PLBD1: variants seen among roughly 807,000 people sequenced by gnomAD.
PLBD1 encodes the protein phospholipase B domain containing 1.
PLBD1 carries 60 observed loss-of-function variants against 63.0 expected under a neutral mutation model. That is an observed-to-expected ratio of 0.95 (90% CI 0.77 to 1.18). The LOEUF is 1.18. Ranked by LOEUF, PLBD1 falls within the 50% of genes most tolerant of loss-of-function variation. The probability of loss-of-function intolerance (pLI) is 0.00; values close to 1 mark genes in which losing one functional copy is unlikely to be tolerated. For synonymous variants in PLBD1, 262 were observed against 248.0 expected, an observed-to-expected ratio of 1.06 and a Z score of -0.53; for missense variants, 598 against 677.9, an observed-to-expected ratio of 0.88 and a Z score of 1.31.
intron 1 of PLBD1, among the ~76,000 whole-genome samples, chr12:14,558,274 G>A (rs952224399): frequency 1.1e-4 from 17 of 152,102 alleles, no homozygotes; most frequent in African/African-American, 2.7e-4. Flanking sequence ...ATCGTTAATC[G>A]GAAGTAATGG....
chr12:14,550,750 T>G (rs990015880), intron 2 of PLBD1, among the ~76,000 whole-genome samples: 1 of 152,024 alleles, frequency 6.6e-6, no homozygotes, highest in Non-Finnish European at 1.5e-5. Flanking sequence ...TGGTGGCTCA[T>G]GCCTGTAATC....
rs1215363994 is a variant in PLBD1 at position 14,511,276 on chromosome 12, A to C, written c.1170T>G (p.Thr390=). 1.3e-6 allele frequency: 2 copies of C among 1,597,910 alleles called. No homozygotes were observed. Among genetic ancestry groups the C allele is most frequent in the Non-Finnish European group, 1.7e-6 (2 of 1,174,738 alleles). ...AGAAAGTACCTTTCCGTAGAACATC[A>C]GTTTGTTCAGAATATTCTACATATG... ...IPTYVEYSEQ[T]DVLRKGYWPS... The change falls in exon 8 of 11, where the codon ACT becomes ACG. Residue 390 remains threonine (T), a synonymous_variant. Coordinates refer to ENST00000240617, the MANE Select transcript of PLBD1 (RefSeq NM_024829.6).
intron 8 of PLBD1, among the ~76,000 whole-genome samples, chr12:14,510,769 C>T (rs1254449141): frequency 6.6e-6 from 1 of 152,142 alleles, no homozygotes; most frequent in East Asian, 1.9e-4. Context: ...CCACTAACAG[C>T]CACGTTCTGT....
chr12:14,539,499 G>T (rs1945548149), intron 4 of PLBD1, among the ~76,000 whole-genome samples: 1 of 151,590 alleles, frequency 6.6e-6, no homozygotes, highest in African/African-American at 2.4e-5. Context: ...CAGTCATATT[G>T]TGTGGGCTGG....
intron 2 of PLBD1, among the ~76,000 whole-genome samples, chr12:14,548,654 G>A (rs1945634595): frequency 6.6e-6 from 1 of 152,226 alleles, no homozygotes; most frequent in African/African-American, 2.4e-5. Context: ...CGTGACCTTA[G>A]TAGAACCTCT....
At position 14,511,119 on chromosome 12, in the gene PLBD1, T is replaced by G. The variant is rs562353862; in HGVS notation, c.1186+141A>C. 5.3e-4 allele frequency: 452 copies of G among 846,336 alleles called. 8 individuals carry two copies. The South Asian group carries it at 8.0e-3, about 15-fold the overall frequency. 52.4% of individuals were successfully genotyped at this position (846,336 alleles called of 1,614,324 possible). ...TACATGTTGTGCTAAACCTGGTCAT[T>G]CTGGTGTAATATAGCATCCCCATCC... On this transcript the variant is annotated intron_variant, in intron 8 of 10. Transcript: ENST00000240617.
chr12:14,528,322 C>T (rs1375707793), intron 6 of PLBD1, among the ~76,000 whole-genome samples: 1 of 152,078 alleles, frequency 6.6e-6, no homozygotes, highest in Admixed American at 6.6e-5. Flanking sequence ...GAGATAGACT[C>T]ATGCTGAGCC....
chr12:14,547,180 TTGTGTGTGTGTGTGTGTG>T (rs56182227), intron 2 of PLBD1, among the ~76,000 whole-genome samples: 1 of 138,142 alleles, frequency 7.2e-6, no homozygotes, highest in African/African-American at 2.7e-5. Flanking sequence ...GCACCTGGCT[TTGTGTGTGTGTGTGTGTG>T]TGTGTGTGTG....
chr12:14,564,607 GTTATA>G (rs1945766342), intron 1 of PLBD1, among the ~76,000 whole-genome samples: 1 of 152,234 alleles, frequency 6.6e-6, no homozygotes, highest in Non-Finnish European at 1.5e-5. Context: ...CTGCCTGACA[GTTATA>G]TTTCTAACTA....
At chr12:14,512,895 T>A (rs1945309558) in intron 6 of PLBD1, among the ~76,000 whole-genome samples, 1 of 152,206 alleles carries the variant, frequency 6.6e-6, no homozygotes, top group Admixed American at 6.5e-5. Flanking sequence ...CAGACCCTCA[T>A]TAGACACTGA....
At chr12:14,515,991 T>C (rs1466351782) in intron 6 of PLBD1, among the ~76,000 whole-genome samples, 1 of 150,344 alleles carries the variant, frequency 6.7e-6, no homozygotes, top group East Asian at 2.0e-4. Context: ...AGAGGTTGAA[T>C]TGGCCACTGC....
chr12:14,540,015 TATATATATA>T (rs1945554786), intron 4 of PLBD1, among the ~76,000 whole-genome samples: 42 of 10,862 alleles, frequency 3.9e-3, no homozygotes, highest in East Asian at 0.01. Flanking sequence ...GCTATGCACA[TATATATATA>T]TATATATATA....
At chr12:14,551,594 T>G (rs1035630295) in intron 2 of PLBD1, among the ~76,000 whole-genome samples, 5 of 152,168 alleles carry the variant, frequency 3.3e-5, no homozygotes, top group Non-Finnish European at 7.4e-5. Flanking sequence ...GCCACCTTTG[T>G]CAAAGCCCAC....
rs565623271 is a variant in PLBD1 at position 14,506,334 on chromosome 12, G to C, written c.1373-66C>G. ...TTGGAGACACACTTCTCCACAGTAA[G>C]GTTTTGAGGCCTGTTAAAGCCTAGA... is the stretch of plus-strand genomic sequence containing the variant. On this transcript the variant is annotated intron_variant, in intron 9 of 10. Transcript: ENST00000240617. 6 of 1,180,436 alleles carry C rather than the reference G, an allele frequency of 5.1e-6. No individual in the cohort carries two copies. In the African/African-American group the frequency reaches 9.1e-5, roughly 18 times the overall value. 73.1% of individuals were successfully genotyped at this position (1,180,436 alleles called of 1,614,324 possible). A position where few individuals can be genotyped will look rare whatever the true frequency, so the allele number is the denominator to read the frequency against.
At chr12:14,507,564 T>C (rs1945265582) in intron 8 of PLBD1, among the ~76,000 whole-genome samples, 1 of 152,186 alleles carries the variant, frequency 6.6e-6, no homozygotes, top group Non-Finnish European at 1.5e-5. Flanking sequence ...TGGAAGAACA[T>C]AGCACTGGGA....
chr12:14,537,486 C>A (rs1945530031), intron 4 of PLBD1, among the ~76,000 whole-genome samples: 1 of 152,182 alleles, frequency 6.6e-6, no homozygotes, highest in South Asian at 2.1e-4. Context: ...CACTCTTAGA[C>A]AAGAACCACT....
chr12:14,509,711 G>T (rs1195761274), intron 8 of PLBD1, among the ~76,000 whole-genome samples: 1 of 152,180 alleles, frequency 6.6e-6, no homozygotes, highest in African/African-American at 2.4e-5. Flanking sequence ...CTTTATCTCC[G>T]TTCTGTCCCT....
intron 6 of PLBD1, among the ~76,000 whole-genome samples, chr12:14,512,160 T>G (rs1945303386): frequency 6.6e-6 from 1 of 152,068 alleles, no homozygotes; most frequent in Non-Finnish European, 1.5e-5. Context: ...TACTTTTTTT[T>G]TTTTTTTGAC....
At chr12:14,523,966 C>T (rs566659530) in intron 6 of PLBD1, among the ~76,000 whole-genome samples, 1 of 152,130 alleles carries the variant, frequency 6.6e-6, no homozygotes, top group African/African-American at 2.4e-5. Context: ...TAATGGAATA[C>T]TATTCAGCCA....
Sources: allele counts gnomAD v4.1 joint callset (sites outside exome capture counted in the v4.1 genomes callset), GRCh38; gene constraint gnomAD v4.1.1; transcripts MANE v1.5; gene names NCBI Gene and HGNC (gene_info 2026-07-23, HGNC 2026-07-21).